ARHGEF26: variants seen among roughly 807,000 people sequenced by gnomAD.
The protein encoded by ARHGEF26 is Rho guanine nucleotide exchange factor (GEF) 26.
ARHGEF26 carries 59 observed loss-of-function variants against 89.4 expected under a neutral mutation model. That is an observed-to-expected ratio of 0.66 (90% CI 0.54 to 0.82). The LOEUF (loss-of-function observed/expected upper bound fraction) is 0.82. ARHGEF26 is among the 40% of genes least tolerant of loss of function. ARHGEF26 has a pLI of 0.00. For synonymous variants in ARHGEF26, 500 were observed against 428.4 expected (o/e 1.17, Z -2.06); for missense variants, 1,234 against 1,085.6 (o/e 1.14, Z -1.92).
chr3:154,178,833 C>T (rs1229178689), intron 6 of ARHGEF26, among the ~76,000 whole-genome samples: 1 of 152,094 alleles, frequency 6.6e-6, no homozygotes. Context: ...AGACTTGCAG[C>T]TGGCCTCTTT....
At chr3:154,189,845 T>A (rs1713837541) in intron 7 of ARHGEF26, among the ~76,000 whole-genome samples, 1 of 151,706 alleles carries the variant, frequency 6.6e-6, no homozygotes. Flanking sequence ...TTTTTTTTTT[T>A]AACTTTCTAA....
chr3:154,125,404 G>A (rs1211253220), intron 3 of ARHGEF26, among the ~76,000 whole-genome samples: 2 of 152,154 alleles, frequency 1.3e-5, no homozygotes, highest in Non-Finnish European at 2.9e-5. Flanking sequence ...TAGCTGGTTG[G>A]AATAAGTTCA....
chr3:154,208,651 C>T (rs1301562521), intron 9 of ARHGEF26, among the ~76,000 whole-genome samples: 1 of 151,774 alleles, frequency 6.6e-6, no homozygotes, highest in Non-Finnish European at 1.5e-5. Context: ...TCTGTTATCT[C>T]CTCTGACTGT....
intron 4 of ARHGEF26, among the ~76,000 whole-genome samples, chr3:154,136,876 T>G (rs1193619093): frequency 1.3e-5 from 2 of 152,200 alleles, no homozygotes; most frequent in Admixed American, 1.3e-4. Flanking sequence ...TACCATATCT[T>G]TTTTTGTGTG....
chr3:154,197,888 G>A (rs536455741), intron 9 of ARHGEF26, among the ~76,000 whole-genome samples: 3 of 152,074 alleles, frequency 2.0e-5, no homozygotes, highest in Admixed American at 6.6e-5. Context: ...ATCAAGAGAT[G>A]GTCTTATGCC....
chr3:154,129,835 T>A, intron 4 of ARHGEF26, 116 bp downstream of exon 4: 1 of 1,192,788 alleles, frequency 8.4e-7, no homozygotes, highest in Non-Finnish European at 1.2e-6. Context: ...GGAGAAAGAC[T>A]CTTTTTAGAT....
chr3:154,210,758 A>G (rs1715312226), intron 9 of ARHGEF26, among the ~76,000 whole-genome samples: 1 of 151,330 alleles, frequency 6.6e-6, no homozygotes, highest in Non-Finnish European at 1.5e-5. Context: ...CCTGGCCAAT[A>G]TGGCGAAACC....
intron 9 of ARHGEF26, among the ~76,000 whole-genome samples, chr3:154,201,281 G>T (rs1287760136): frequency 6.6e-6 from 1 of 150,970 alleles, no homozygotes; most frequent in Non-Finnish European, 1.5e-5. Context: ...GAGATAGTTT[G>T]CTGAGAATGA....
chr3:154,189,660 T>TA (rs947226692), intron 7 of ARHGEF26, among the ~76,000 whole-genome samples: 10 of 152,222 alleles, frequency 6.6e-5, no homozygotes, highest in African/African-American at 2.4e-4. Flanking sequence ...AATTTAAGGT[T>TA]AGAACAGTGG....
At chr3:154,224,073 T>C (rs920558303) in intron 10 of ARHGEF26, among the ~76,000 whole-genome samples, 1 of 152,208 alleles carries the variant, frequency 6.6e-6, no homozygotes, top group Non-Finnish European at 1.5e-5. Context: ...TCTTTGTTCA[T>C]GAATTTCTTT....
At chr3:154,228,823 A>C (rs773759096) in intron 11 of ARHGEF26, among the ~76,000 whole-genome samples, 1 of 152,248 alleles carries the variant, frequency 6.6e-6, no homozygotes, top group Non-Finnish European at 1.5e-5. Context: ...AGGCTTGGCC[A>C]CAAGTTACAG....
At chr3:154,219,612 A>G (rs917666942) in intron 10 of ARHGEF26, among the ~76,000 whole-genome samples, 8 of 151,474 alleles carry the variant, frequency 5.3e-5, no homozygotes, top group Non-Finnish European at 1.0e-4. Context: ...AAGAAAAAGA[A>G]AAAGAAACTC....
At chr3:154,224,183 A>G (rs1266758798) in intron 10 of ARHGEF26, among the ~76,000 whole-genome samples, 2 of 152,150 alleles carry the variant, frequency 1.3e-5, no homozygotes, top group African/African-American at 2.4e-5. Flanking sequence ...CTTTATTTGG[A>G]TCATTTTAAT....
chr3:154,133,454 A>G (rs1042931634), intron 4 of ARHGEF26, among the ~76,000 whole-genome samples: 1 of 151,772 alleles, frequency 6.6e-6, no homozygotes, highest in East Asian at 2.0e-4. Context: ...TATTAGGACT[A>G]AAGAAATAAG....
At chr3:154,255,160 T>C (rs141584648) in intron 14 of ARHGEF26, among the ~76,000 whole-genome samples, 171 bp from the exon 15 acceptor site, 1,524 of 152,220 alleles carry the variant, frequency 0.01, 21 homozygotes, top group Middle Eastern at 0.014. Flanking sequence ...CTCACGTTCT[T>C]TCCCTGCCAT....
intron 11 of ARHGEF26, among the ~76,000 whole-genome samples, chr3:154,234,705 C>T (rs967550463): frequency 6.6e-6 from 1 of 152,128 alleles, no homozygotes; most frequent in Non-Finnish European, 1.5e-5. Flanking sequence ...AACTCGTGCC[C>T]TTGTCCCAGT....
intron 2 of ARHGEF26, among the ~76,000 whole-genome samples, chr3:154,123,281 G>A (rs947996035): frequency 6.6e-6 from 1 of 152,172 alleles, no homozygotes; most frequent in Non-Finnish European, 1.5e-5. Context: ...GTGGGAAGAA[G>A]TGAAATTCAT....
chr3:154,166,406 C>G (rs939112595), intron 6 of ARHGEF26, among the ~76,000 whole-genome samples: 4 of 152,086 alleles, frequency 2.6e-5, no homozygotes, highest in African/African-American at 9.7e-5. Flanking sequence ...TATGAATAAC[C>G]TGAGGATAGG....
At chr3:154,213,216 A>AGAGAGAGAGTGT (rs1553747872) in intron 9 of ARHGEF26, among the ~76,000 whole-genome samples, 1 of 141,932 alleles carries the variant, frequency 7.0e-6, no homozygotes, top group African/African-American at 2.6e-5. Flanking sequence ...AGAGAGAGAG[A>AGAGAGAGAGTGT]GTGTGTGTGT....
Sources: allele counts gnomAD v4.1 joint callset (sites outside exome capture counted in the v4.1 genomes callset), GRCh38; gene constraint gnomAD v4.1.1; transcripts MANE v1.5; gene names NCBI Gene and HGNC (gene_info 2026-07-23, HGNC 2026-07-21).